Variants in ZYG11B observed in about 807,000 individuals in gnomAD.
ZYG11B encodes the protein protein zyg-11 homolog B.
In ZYG11B, 36 loss-of-function variants were observed where a neutral mutation model predicts 82.4. The ratio of observed to expected loss-of-function variants is 0.44; its 90% CI spans 0.33 to 0.58. ZYG11B has a LOEUF of 0.58. Among genes scored for constraint, ZYG11B ranks in the 20% least tolerant of loss-of-function variants. ZYG11B has a pLI of 0.02. For synonymous variants in ZYG11B, 303 were observed against 312.8 expected (o/e 0.97, Z 0.33); for missense variants, 552 against 895.6 (o/e 0.62, Z 4.90).
intron 12 of ZYG11B, 148 bp downstream of exon 12, chr1:52,814,060 C>T (rs1376761963): frequency 6.4e-6 from 5 of 784,368 alleles, no homozygotes; most frequent in Admixed American, 2.8e-5. Flanking sequence ...TTCACTCCGT[C>T]GCCATGGCTG....
At chr1:52,811,294 C>T (rs1406562383) in intron 10 of ZYG11B, among the ~76,000 whole-genome samples, 2 of 152,036 alleles carry the variant, frequency 1.3e-5, no homozygotes, top group African/African-American at 4.8e-5. Context: ...AAAATTTGGC[C>T]ATTATTTCTG....
chr1:52,736,790 T>C (rs979034178), intron 1 of ZYG11B, among the ~76,000 whole-genome samples: 1 of 152,058 alleles, frequency 6.6e-6, no homozygotes, highest in African/African-American at 2.4e-5. Context: ...GGTTTTGCCA[T>C]GTTGGTCAGG....
intron 1 of ZYG11B, among the ~76,000 whole-genome samples, chr1:52,734,542 C>T (rs1475078261): frequency 6.6e-6 from 1 of 150,442 alleles, no homozygotes; most frequent in East Asian, 2.0e-4. Flanking sequence ...ACCAGCTACT[C>T]AGAAGGCTGA....
At chr1:52,815,521 A>G in intron 12 of ZYG11B, among the ~76,000 whole-genome samples, 1 of 151,450 alleles carries the variant, frequency 6.6e-6, no homozygotes. Flanking sequence ...TTGGGAGGCT[A>G]AGGTGGGAGA....
chr1:52,822,806 A>G lies in ZYG11B; in HGVS notation c.*1177A>G, dbSNP rs1176912508. 1 of 152,188 alleles carries G rather than the reference A, an allele frequency of 6.6e-6. No individual in the cohort carries two copies. Among genetic ancestry groups the G allele is most frequent in the Non-Finnish European group, 1.5e-5 (1 of 68,026 alleles). 9.4% of individuals were successfully genotyped at this position (152,188 alleles called of 1,614,324 possible). A position where few individuals can be genotyped will look rare whatever the true frequency, so the allele number is the denominator to read the frequency against. On this transcript the variant is annotated 3_prime_UTR_variant, in exon 14 of 14. Transcript: ENST00000294353. ...ATTTTTTAGGCAATTACCTTTCCTTAAGGTATCTGATACAGTATAGTAAAG... is the reference window on the plus strand; with the variant it reads ...ATTTTTTAGGCAATTACCTTTCCTTGAGGTATCTGATACAGTATAGTAAAG...
At chr1:52,796,268 A>G (rs760946421) in intron 6 of ZYG11B, 24 bp from the exon 7 acceptor site, 10 of 1,596,038 alleles carry the variant, frequency 6.3e-6, no homozygotes, top group South Asian at 1.1e-5. Context: ...CGATTAATTC[A>G]TGAAACCCTT....
At chr1:52,741,315 A>AAAAAAAAAAAAAAAAAAAAG (rs1553257617) in intron 1 of ZYG11B, among the ~76,000 whole-genome samples, 3 of 142,602 alleles carry the variant, frequency 2.1e-5, no homozygotes, top group Admixed American at 7.1e-5. Flanking sequence ...AAAAAAAAAA[A>AAAAAAAAAAAAAAAAAAAAG]AAAAGAAAAG....
chr1:52,770,088 A>AC (rs1553259754), intron 2 of ZYG11B, among the ~76,000 whole-genome samples: 2 of 76,932 alleles, frequency 2.6e-5, no homozygotes, highest in Admixed American at 1.8e-4. Context: ...ATATATATAT[A>AC]TATATTTTTT....
chr1:52,770,636 A>G (rs148720916), intron 2 of ZYG11B, among the ~76,000 whole-genome samples: 5 of 152,312 alleles, frequency 3.3e-5, no homozygotes, highest in Non-Finnish European at 7.3e-5. Flanking sequence ...AAAAGACAGC[A>G]TGGAAAATCA....
At chr1:52,815,367 G>C (rs1645214892) in intron 12 of ZYG11B, among the ~76,000 whole-genome samples, 1 of 152,040 alleles carries the variant, frequency 6.6e-6, no homozygotes, top group African/African-American at 2.4e-5. Flanking sequence ...GGGCATGATG[G>C]CATACACCTG....
In ZYG11B at chr1:52,790,206, T is replaced by G. The variant is rs1644944900; in HGVS notation, c.1334+139T>G. On this transcript the variant is annotated intron_variant, in intron 6 of 13. Coordinates refer to ENST00000294353, the MANE Select transcript of ZYG11B (RefSeq NM_024646.3). ...AATTGTGGGTTATTTTATAGAATGC[T>G]AAATCTACTTTCTTTAATTTAGTGG... 14 of 531,064 alleles carry G rather than the reference T, an allele frequency of 2.6e-5. 1 individual carries two copies. The highest frequency in any genetic ancestry group is 3.2e-6 in the Non-Finnish European group (1 of 317,250). 32.9% of individuals were successfully genotyped at this position (531,064 alleles called of 1,614,324 possible). A position where few individuals can be genotyped will look rare whatever the true frequency, so the allele number is the denominator to read the frequency against.
chr1:52,765,386 A>G (rs774328336), intron 2 of ZYG11B, among the ~76,000 whole-genome samples: 1 of 151,924 alleles, frequency 6.6e-6, no homozygotes, highest in Non-Finnish European at 1.5e-5. Context: ...AAAAATTTGT[A>G]ATGGAGATGA....
chr1:52,753,575 A>G lies in ZYG11B; in HGVS notation c.31-2883A>G, dbSNP rs1186320311. On this transcript the variant is annotated intron_variant, in intron 1 of 13. Transcript: ENST00000294353. ...TAGCTGAGATTACAGGCATCTGCCA[A>G]CATGCCTGGCTAATTTTTTGTGTTT... Among the ~76,000 whole-genome samples, 5 of 151,822 alleles carry G rather than the reference A, an allele frequency of 3.3e-5. No individual in the cohort carries two copies. In the South Asian group the frequency reaches 8.3e-4, roughly 25 times the overall value.
rs941032472 is a variant in ZYG11B at position 52,756,414 on chromosome 1, A to AG, written c.31-43dup. The AG allele has an allele frequency of 2.5e-6, 4 of 1,572,946 alleles. No homozygotes were observed. The African/African-American group carries it at 5.5e-5, about 22-fold the overall frequency. On this transcript the variant is annotated intron_variant, in intron 1 of 13. Transcript: ENST00000294353. ...TTCTCTGCTTTTCTGGAAACTAACT[A>AG]GTTGGTTTTTGTGTTTCTTTTATAT...
chr1:52,792,874 C>A (rs1222174092), intron 6 of ZYG11B, among the ~76,000 whole-genome samples: 1 of 152,098 alleles, frequency 6.6e-6, no homozygotes. Context: ...GAGTTTCGCT[C>A]TTGTTGCCCA....
At chr1:52,734,977 C>T (rs1393240850) in intron 1 of ZYG11B, among the ~76,000 whole-genome samples, 1 of 151,650 alleles carries the variant, frequency 6.6e-6, no homozygotes, top group African/African-American at 2.4e-5. Context: ...GATCCGCCCG[C>T]CTTGGCTTCC....
chr1:52,793,745 G>T (rs1365834701), intron 6 of ZYG11B, among the ~76,000 whole-genome samples: 1 of 152,160 alleles, frequency 6.6e-6, no homozygotes, highest in Non-Finnish European at 1.5e-5. Flanking sequence ...TTTGCAGAAA[G>T]CATAGGGTAG....
At chr1:52,758,379 A>G (rs1225512429) in intron 2 of ZYG11B, among the ~76,000 whole-genome samples, 1 of 152,114 alleles carries the variant, frequency 6.6e-6, no homozygotes, top group Non-Finnish European at 1.5e-5. Context: ...AATTTTCGCA[A>G]AAACTCTATA....
rs1558137171 is a variant in ZYG11B at position 52,796,909 on chromosome 1, T to TTATATATAATATATAATTATAC, written c.1485+125_1485+126insTATATATAATATATAATTATAC. ...TATATATAATATATAATTATATATATATTATATATTATATATAATTATATA... is the reference window on the plus strand; with the variant it reads ...TATATATAATATATAATTATATATATTATATATAATATATAATTATACATTATATATTATATATAATTATATA... On this transcript the variant is annotated intron_variant, in intron 8 of 13. Transcript: ENST00000294353. 44 of 106,336 alleles carry TTATATATAATATATAATTATAC rather than the reference T, an allele frequency of 4.1e-4. No homozygotes were observed. The East Asian group carries it at 9.7e-3, about 23-fold the overall frequency. 6.6% of individuals were successfully genotyped at this position (106,336 alleles called of 1,614,324 possible).
Sources: allele counts gnomAD v4.1 joint callset (sites outside exome capture counted in the v4.1 genomes callset), GRCh38; gene constraint gnomAD v4.1.1; transcripts MANE v1.5; gene names NCBI Gene and HGNC (gene_info 2026-07-23, HGNC 2026-07-21).